The following ZSCAN5A variants were observed in gnomAD, a reference collection of about 807,000 sequenced individuals.
The protein encoded by ZSCAN5A is zinc finger and SCAN domain containing 5A, also known as zinc finger and SCAN domain-containing protein 5A.
In ZSCAN5A, 12 loss-of-function variants were observed where a neutral mutation model predicts 23.7. That is an observed-to-expected ratio of 0.51 (90% CI 0.32 to 0.82). The LOEUF is 0.82. Among genes scored for constraint, ZSCAN5A ranks in the 40% least tolerant of loss-of-function variants. The pLI, the probability that ZSCAN5A is intolerant of heterozygous loss-of-function variation, is 0.03. For synonymous variants in ZSCAN5A, 257 were observed against 239.9 expected, an observed-to-expected ratio of 1.07 and a Z score of -0.66; for missense variants, 597 against 617.9, an observed-to-expected ratio of 0.97 and a Z score of 0.36.
intron 2 of ZSCAN5A, among the ~76,000 whole-genome samples, chr19:56,238,021 G>A (rs970058857): frequency 0.017 from 20 of 1,200 alleles, no homozygotes; most frequent in African/African-American, 0.044. Context: ...ACACGTCAAA[G>A]AAACAAAAAG....
intron 2 of ZSCAN5A, among the ~76,000 whole-genome samples, chr19:56,340,259 G>GC (rs1047456443): frequency 6.6e-6 from 1 of 152,072 alleles, no homozygotes; most frequent in African/African-American, 2.4e-5. Flanking sequence ...TCATTTGAAA[G>GC]CCCCCCTATC....
chr19:56,261,293 G>A lies in ZSCAN5A; in HGVS notation c.-127-36120C>T, dbSNP rs191897644. Among the ~76,000 whole-genome samples the A allele has an allele frequency of 2.6e-5, 4 of 152,252 alleles. No homozygotes were observed. In the East Asian group the frequency reaches 7.7e-4, roughly 29 times the overall value. On this transcript the variant is annotated intron_variant, in intron 2 of 5. Coordinates refer to ENST00000683990, the MANE Select transcript of ZSCAN5A (RefSeq NM_001322064.3). ...AAGCCTGGCTGATGGCCAAATTGAT[G>A]TTGTCTACAGGATATGGTACTGATC...
chr19:56,339,386 A>G (rs1158598826), intron 2 of ZSCAN5A, among the ~76,000 whole-genome samples: 1 of 114,886 alleles, frequency 8.7e-6, no homozygotes, highest in Non-Finnish European at 1.8e-5. Flanking sequence ...GCATTTAGCA[A>G]TATGTGAAGG....
intron 2 of ZSCAN5A, chr19:56,321,631 C>G: frequency 1.2e-6 from 1 of 865,980 alleles, no homozygotes; most frequent in Non-Finnish European, 2.0e-6. Flanking sequence ...CAAGGTTCAT[C>G]CATGCATCGT....
At chr19:56,338,492 C>G (rs533675364) in intron 2 of ZSCAN5A, 3 of 152,280 alleles carry the variant, frequency 2.0e-5, no homozygotes, top group South Asian at 4.1e-4. Context: ...CTGCAGAACA[C>G]CAACATGCTG....
rs8109340 is a variant in ZSCAN5A at position 56,351,776 on chromosome 19, G to T, written c.-358+11459C>A. ...TCCATCCTTTGCATCTTAACCTGTC[G>T]CAGAACAAGAAAAGTGGTGCCGCTA... On this transcript the variant is annotated intron_variant, in intron 2 of 6. Transcript: ENST00000587340. This position sits in a 1 kb window ranked among gnomAD's most constrained non-coding sequence, Gnocchi z 4.8. Among the ~76,000 whole-genome samples the T allele has an allele frequency of 6.6e-6, 1 of 152,088 alleles. No individual in the cohort carries two copies. Among genetic ancestry groups the T allele is most frequent in the African/African-American group, 2.4e-5 (1 of 41,386 alleles).
chr19:56,273,092 G>T (rs2037972075), intron 2 of ZSCAN5A, among the ~76,000 whole-genome samples: 1 of 152,170 alleles, frequency 6.6e-6, no homozygotes. Context: ...AGTCTAGGTT[G>T]CTAGCCCCTG....
At chr19:56,225,309 C>T in intron 2 of ZSCAN5A, 136 bp from the exon 3 acceptor site, 11 of 713,182 alleles carry the variant, frequency 1.5e-5, no homozygotes, top group Non-Finnish European at 2.0e-5. Context: ...AGTGTCTATA[C>T]CTGACTACAT....
At chr19:56,231,004 GA>G (rs1472629197) in intron 2 of ZSCAN5A, among the ~76,000 whole-genome samples, 3 of 152,158 alleles carry the variant, frequency 2.0e-5, no homozygotes, top group African/African-American at 4.8e-5. Flanking sequence ...GCTGAAAGCA[GA>G]ACTTTGAGAT....
At chr19:56,317,332 C>G (rs2041327379), upstream of ZSCAN5A, 1 of 152,384 alleles carries the variant, frequency 6.6e-6, no homozygotes, top group Non-Finnish European at 1.5e-5. Context: ...CACCAGCATG[C>G]TGAAGGTCAG....
chr19:56,278,167 G>C (rs904818618), intron 2 of ZSCAN5A, among the ~76,000 whole-genome samples: 1 of 151,754 alleles, frequency 6.6e-6, no homozygotes, highest in Admixed American at 6.6e-5. Flanking sequence ...TGTCGCCCAG[G>C]CTGGAATACA....
chr19:56,347,312 G>A (rs1208451685), intron 2 of ZSCAN5A: 2 of 152,226 alleles, frequency 1.3e-5, no homozygotes, highest in Non-Finnish European at 2.9e-5. Context: ...CCATCACAAG[G>A]TGATAGGCGC....
intron 2 of ZSCAN5A, among the ~76,000 whole-genome samples, chr19:56,238,079 G>A (rs1163702912): frequency 3.0e-5 from 1 of 33,060 alleles, no homozygotes; most frequent in Non-Finnish European, 7.3e-5. Context: ...GACACACACA[G>A]AGACACACCC....
Position 56,225,065 on chromosome 19 carries a change from T to C in ZSCAN5A, c.-19A>G, listed in dbSNP as rs751258534. On this transcript the variant is annotated 5_prime_UTR_variant, in exon 3 of 6. Transcript: ENST00000683990. ...CAGCCATATCTAGTGGAGAATTTTT[T>C]AATCAGTCTCTGAGAAAGCTCTTCC... is the stretch of plus-strand genomic sequence containing the variant. The C allele has an allele frequency of 1.0e-5, 16 of 1,563,378 alleles. No individual in the cohort carries two copies. In the East Asian group the frequency reaches 2.9e-4, roughly 29 times the overall value.
chr19:56,296,669 T>C (rs922188984), intron 2 of ZSCAN5A, among the ~76,000 whole-genome samples: 11 of 152,298 alleles, frequency 7.2e-5, no homozygotes, highest in African/African-American at 2.2e-4. Flanking sequence ...GCAGTAGTTA[T>C]AGGTCTGCTG....
intron 2 of ZSCAN5A, among the ~76,000 whole-genome samples, chr19:56,304,484 C>T (rs112872088): frequency 1.8e-4 from 28 of 152,250 alleles, no homozygotes; most frequent in African/African-American, 4.6e-4. Flanking sequence ...CAGGACAACA[C>T]GCCACGACAA....
intron 2 of ZSCAN5A, among the ~76,000 whole-genome samples, chr19:56,345,374 A>G (rs1418833064): frequency 6.6e-6 from 1 of 152,228 alleles, no homozygotes; most frequent in Non-Finnish European, 1.5e-5. Context: ...ACATGCGGAA[A>G]GAAGTACATC....
intron 2 of ZSCAN5A, among the ~76,000 whole-genome samples, chr19:56,272,099 C>G (rs2037891416): frequency 6.6e-6 from 1 of 152,184 alleles, no homozygotes; most frequent in African/African-American, 2.4e-5. Context: ...GGTTAAGTAA[C>G]TTGCTCAGGG....
rs2041491543 is a variant in ZSCAN5A, at chr19:56,331,732, C to T, written c.-357-15464G>A. On this transcript the variant is annotated intron_variant, in intron 2 of 6. Transcript: ENST00000587340. ...CTTCCTGAGTAGCTGACATTACAGG[C>T]ACCCGCCATCATGCCCGGCTAATTT... Among the ~76,000 whole-genome samples the T allele has an allele frequency of 2.0e-5, 3 of 151,516 alleles. No individual in the cohort carries two copies. In the South Asian group the frequency reaches 6.2e-4, roughly 32 times the overall value.
Sources: gnomAD v4.1 joint callset for allele counts (sites outside exome capture counted in the v4.1 genomes callset) on GRCh38, gnomAD v4.1.1 for gene constraint, Gnocchi (gnomAD v3.1) non-coding constraint, MANE v1.5 for transcripts, NCBI Gene and HGNC (gene_info 2026-07-23, HGNC 2026-07-21) for gene names.